Variants in ATAD3C observed in about 807,000 individuals in gnomAD.
ATAD3C encodes the protein ATPase family AAA domain containing 3C.
In ATAD3C, 38 loss-of-function variants were observed where a neutral mutation model predicts 46.3. The ratio of observed to expected loss-of-function variants is 0.82; its 90% CI spans 0.63 to 1.08. The LOEUF (loss-of-function observed/expected upper bound fraction) is 1.08, where lower values mean the gene tolerates loss of function less well. Among genes scored for constraint, ATAD3C ranks in the 50% least tolerant of loss-of-function variants. The pLI is 0.00. For missense variants in ATAD3C, 563 were observed against 572.7 expected, an observed-to-expected ratio of 0.98 and a Z score of 0.17; for synonymous variants, 220 against 236.4, an observed-to-expected ratio of 0.93 and a Z score of 0.63.
rs1639181372 is a variant in ATAD3C, at chr1:1,468,464, C to G, written c.1170C>G (p.His390Gln). Residue 390 changes from histidine to glutamine, a missense_variant, in exon 12 of 12, where the codon CAC (histidine) becomes CAG (glutamine). His to Gln is a conservative substitution (Grantham distance 24). Transcript: ENST00000378785. ...DACVQDFVQQ[H>Q]QQMMRWLKGE... ...GCGTGCAAGACTTTGTCCAGCAGCA[C>G]CAGCAGATGATGCGCTGGCTGAAGG... 1.2e-6 allele frequency: 2 copies of G among 1,612,834 alleles called. No homozygotes were observed. The highest frequency in any genetic ancestry group is 1.7e-6 in the Non-Finnish European group (2 of 1,179,412).
intron 11 of ATAD3C, among the ~76,000 whole-genome samples, chr1:1,465,482 T>G (rs1226006153): frequency 6.7e-6 from 1 of 149,544 alleles, no homozygotes; most frequent in Non-Finnish European, 1.5e-5. Context: ...TCCCAGCTAC[T>G]CGGGAGGCTG....
At position 1,462,844 on chromosome 1, in the gene ATAD3C, C is replaced by T. The variant is rs1029493232; in HGVS notation, c.1089+136C>T. 1.9e-5 allele frequency: 22 copies of T among 1,139,852 alleles called. No individual in the cohort carries two copies. The highest frequency in any genetic ancestry group is 1.4e-4 in the South Asian group (9 of 66,330). 70.6% of individuals were successfully genotyped at this position (1,139,852 alleles called of 1,614,324 possible). A position where few individuals can be genotyped will look rare whatever the true frequency, so the allele number is the denominator to read the frequency against. On this transcript the variant is annotated intron_variant, in intron 11 of 11. Coordinates refer to ENST00000378785, the MANE Select transcript of ATAD3C (RefSeq NM_001039211.3). This position sits in a 1 kb window ranked among gnomAD's most constrained non-coding sequence, Gnocchi z 4.5. ...GGGTTTTCAGTGCACAGATGTGACA[C>T]GGGGCCCCTGCCCCAGTTGGGCCAC...
At chr1:1,467,394 C>A (rs1212719517) in intron 11 of ATAD3C, among the ~76,000 whole-genome samples, 1 of 151,980 alleles carries the variant, frequency 6.6e-6, no homozygotes, top group African/African-American at 2.4e-5. Flanking sequence ...CGGTCAGTGT[C>A]TCCTGCGCTC....
At position 1,460,831 on chromosome 1, in the gene ATAD3C, C is replaced by T. The variant is rs368237530; in HGVS notation, c.894C>T (p.Phe298=). The T allele has an allele frequency of 3.7e-4, 603 of 1,613,096 alleles. 6 individuals carry two copies. The African/African-American group carries it at 6.6e-3, about 18-fold the overall frequency. ...INACIDVMVH[F]DLPGQEERAR... The stretch of plus-strand genomic sequence containing the variant: ...CCTGCATCGACGTGATGGTCCACTT[C>T]GACCTGCCAGGGCAGGAGGAGCGGG... The change falls in exon 10 of 12, where the codon TTC becomes TTT. Residue 298 remains phenylalanine (F), a synonymous_variant. Transcript: ENST00000378785.
In ATAD3C at chr1:1,456,350, G is replaced by C. The variant is rs1638960687; in HGVS notation, c.689+1G>C. 1 of 1,285,750 alleles carries C rather than the reference G, an allele frequency of 7.8e-7. No individual in the cohort carries two copies. Among genetic ancestry groups the C allele is most frequent in the Non-Finnish European group, 1.0e-6 (1 of 977,856 alleles). The allele number at this position is 1,285,750 out of a possible 1,614,324, so 79.6% of individuals were successfully genotyped here. On this transcript the variant is annotated splice_donor_variant, in intron 7 of 11. Transcript: ENST00000378785. LOFTEE classifies it high-confidence loss of function. ...ACTGGGCCAATACCAGCCGGCGCGG[G>C]TGAGACGTCCCCACAGCATGCACCA...
chr1:1,462,527 C>T lies in ATAD3C; in HGVS notation c.981-73C>T. 6 of 1,436,474 alleles carry T rather than the reference C, an allele frequency of 4.2e-6. No individual in the cohort carries two copies. Among genetic ancestry groups the T allele is most frequent in the Non-Finnish European group, 2.9e-6 (3 of 1,044,218 alleles). 89.0% of individuals were successfully genotyped at this position (1,436,474 alleles called of 1,614,324 possible). A position where few individuals can be genotyped will look rare whatever the true frequency, so the allele number is the denominator to read the frequency against. On this transcript the variant is annotated intron_variant, in intron 10 of 11. Transcript: ENST00000378785. This position sits in a 1 kb window ranked among gnomAD's most constrained non-coding sequence, Gnocchi z 4.5. ...CTGGCATGGGTGTCCGCCTGGCTGC[C>T]TGTCTTCCGGCCTCCACCTCGTGGT...
chr1:1,454,770 T>C (rs4970451), intron 4 of ATAD3C, among the ~76,000 whole-genome samples: 65,988 of 151,248 alleles, frequency 0.44, 20,755 homozygotes, highest in East Asian at 0.99. Context: ...AGACCCGGGA[T>C]TTGGGTGTGC....
intron 8 of ATAD3C, among the ~76,000 whole-genome samples, chr1:1,458,714 C>T (rs1178722828): frequency 2.0e-5 from 3 of 150,778 alleles, no homozygotes; most frequent in African/African-American, 4.9e-5. Flanking sequence ...TGAGCCCCCA[C>T]GCCCAGTCAG....
Position 1,462,545 on chromosome 1 carries a change from C to T in ATAD3C, c.981-55C>T. On this transcript the variant is annotated intron_variant, in intron 10 of 11. Coordinates refer to ENST00000378785, the MANE Select transcript of ATAD3C (RefSeq NM_001039211.3). The surrounding 1 kb of genome is among the most constrained non-coding windows in gnomAD (Gnocchi z 4.5). Reference sequence around the variant, plus strand: ...TGGCTGCCTGTCTTCCGGCCTCCACCTCGTGGTGTGGGAGCTGCTGCCTTG... The same window carrying T: ...TGGCTGCCTGTCTTCCGGCCTCCACTTCGTGGTGTGGGAGCTGCTGCCTTG... 6.7e-7 allele frequency: 1 copy of T among 1,501,998 alleles called. No homozygotes were observed. Among genetic ancestry groups the T allele is most frequent in the Non-Finnish European group, 9.1e-7 (1 of 1,100,758 alleles). 93.0% of individuals were successfully genotyped at this position (1,501,998 alleles called of 1,614,324 possible). A position where few individuals can be genotyped will look rare whatever the true frequency, so the allele number is the denominator to read the frequency against.
intron 1 of ATAD3C, 130 bp from the exon 2 acceptor site, chr1:1,451,916 C>T (rs778682621): frequency 3.3e-5 from 47 of 1,424,964 alleles, no homozygotes; most frequent in South Asian, 2.7e-4. Context: ...CAGGGTGCGG[C>T]GTCTGCAGGT....
chr1:1,457,146 A>G lies in ATAD3C; in HGVS notation c.707A>G (p.Asp236Gly), dbSNP rs2100479852. Reference protein sequence around the residue: ...TSRRGLLLFVDEADAFLRKRA... With the variant: ...TSRRGLLLFVGEADAFLRKRA... Reference sequence around the variant, plus strand: ...GTCCACAGCCTCCTGCTCTTTGTGGATGAAGCGGACGCCTTCCTTCGGAAG... The same window carrying G: ...GTCCACAGCCTCCTGCTCTTTGTGGGTGAAGCGGACGCCTTCCTTCGGAAG... The change falls in exon 8 of 12, where the codon GAT becomes GGT. Residue 236 changes from aspartate to glycine, a missense_variant. This residue lies in a region of ATAD3C where 273 missense variants were observed against 253.5 expected (regional missense o/e 1.08). Coordinates refer to ENST00000378785, the MANE Select transcript of ATAD3C (RefSeq NM_001039211.3). The G allele has an allele frequency of 1.9e-6, 3 of 1,613,450 alleles. No individual in the cohort carries two copies. The South Asian group carries it at 3.3e-5, about 18-fold the overall frequency.
chr1:1,460,956 T>C (rs747007694), intron 10 of ATAD3C, 39 bp downstream of exon 10: 4 of 1,567,524 alleles, frequency 2.6e-6, no homozygotes, highest in Non-Finnish European at 3.5e-6. Context: ...CCAGGGGCCC[T>C]CGCTCAGGGT....
chr1:1,464,449 C>G (rs530209103), intron 11 of ATAD3C, among the ~76,000 whole-genome samples: 1 of 151,982 alleles, frequency 6.6e-6, no homozygotes, highest in East Asian at 1.9e-4. Flanking sequence ...GCCAACACGC[C>G]CAGCACCAAC....
chr1:1,452,792 C>G (rs1638884569), intron 3 of ATAD3C, among the ~76,000 whole-genome samples: 2 of 116,250 alleles, frequency 1.7e-5, no homozygotes, highest in South Asian at 7.3e-4. Flanking sequence ...AGCGAGGCTC[C>G]TTCTCAAAAA....
intron 10 of ATAD3C, among the ~76,000 whole-genome samples, chr1:1,461,694 G>C (rs1639069609): frequency 6.7e-6 from 1 of 148,184 alleles, no homozygotes; most frequent in African/African-American, 2.5e-5. Flanking sequence ...GGACTGGAGG[G>C]AGAGGCTCCT....
Position 1,456,653 on chromosome 1 carries a change from C to T in ATAD3C, c.689+304C>T, listed in dbSNP as rs1433884044. On this transcript the variant is annotated intron_variant, in intron 7 of 11. Transcript: ENST00000378785. ...TGCAGGGGAGGCTCCTCCACAGCCG[C>T]CCTCCCCCCAACACGCCTGCAGGTG... Among the ~76,000 whole-genome samples the T allele has an allele frequency of 1.5e-4, 22 of 151,458 alleles. No homozygotes were observed. The East Asian group carries it at 2.2e-3, about 15-fold the overall frequency.
chr1:1,467,278 G>A (rs1639158973), intron 11 of ATAD3C, among the ~76,000 whole-genome samples: 1 of 152,080 alleles, frequency 6.6e-6, no homozygotes, highest in Non-Finnish European at 1.5e-5. Flanking sequence ...CCACTCGGGT[G>A]GACCCTGAGG....
chr1:1,462,488 T>C lies in ATAD3C; in HGVS notation c.981-112T>C, dbSNP rs1460896543. 6.1e-6 allele frequency: 7 copies of C among 1,138,648 alleles called. No individual in the cohort carries two copies. Among genetic ancestry groups the C allele is most frequent in the Non-Finnish European group, 9.0e-6 (7 of 781,908 alleles). 70.5% of individuals were successfully genotyped at this position (1,138,648 alleles called of 1,614,324 possible). On this transcript the variant is annotated intron_variant, in intron 10 of 11. Transcript: ENST00000378785. This position sits in a 1 kb window ranked among gnomAD's most constrained non-coding sequence, Gnocchi z 4.5. ...TTGGCTGTCACAGGTAGAGAGTCCC[T>C]CTCAAGGGGGCATCTGGCATGGGTG...
Position 1,462,840 on chromosome 1 carries a change from G to C in ATAD3C, c.1089+132G>C, listed in dbSNP as rs138739459. 1.7e-6 allele frequency: 2 copies of C among 1,194,212 alleles called. No individual in the cohort carries two copies. Among genetic ancestry groups the C allele is most frequent in the Admixed American group, 4.5e-5 (2 of 44,086 alleles). The allele number at this position is 1,194,212 out of a possible 1,614,324, so 74.0% of individuals were successfully genotyped here. A position where few individuals can be genotyped will look rare whatever the true frequency, so the allele number is the denominator to read the frequency against. On this transcript the variant is annotated intron_variant, in intron 11 of 11. Transcript: ENST00000378785. This position sits in a 1 kb window ranked among gnomAD's most constrained non-coding sequence, Gnocchi z 4.5. ...TGAGGGGTTTTCAGTGCACAGATGT[G>C]ACACGGGGCCCCTGCCCCAGTTGGG...
Sources: allele counts gnomAD v4.1 joint callset (sites outside exome capture counted in the v4.1 genomes callset), GRCh38; gene constraint gnomAD v4.1.1; regional missense constraint gnomAD v4.1.1; non-coding constraint Gnocchi (gnomAD v3.1); transcripts MANE v1.5; gene names NCBI Gene and HGNC (gene_info 2026-07-23, HGNC 2026-07-21).